Variants in CFLAR observed in about 807,000 individuals in gnomAD.
CFLAR encodes CASP8 and FADD-like apoptosis regulator.
A neutral mutation model predicts 51.1 loss-of-function variants in CFLAR; 14 were observed. That is an observed-to-expected ratio of 0.27 (90% CI 0.18 to 0.43). The LOEUF is 0.43. Ranked by LOEUF, CFLAR falls within the 20% of genes least tolerant of loss-of-function variation. The probability of loss-of-function intolerance (pLI) is 1.00; values close to 1 mark genes in which losing one functional copy is unlikely to be tolerated. For missense variants in CFLAR, 390 were observed against 566.5 expected, an observed-to-expected ratio of 0.69 and a Z score of 3.16; for synonymous variants, 210 against 211.6, an observed-to-expected ratio of 0.99 and a Z score of 0.06.
chr2:201,163,331 A>AT lies in CFLAR; in HGVS notation c.1305-502dup, dbSNP rs748864743. 110 of 1,205,208 alleles carry AT rather than the reference A, an allele frequency of 9.1e-5. No individual in the cohort carries two copies. The Middle Eastern group carries it at 2.5e-3, about 27-fold the overall frequency. 74.7% of individuals were successfully genotyped at this position (1,205,208 alleles called of 1,614,324 possible). A position where few individuals can be genotyped will look rare whatever the true frequency, so the allele number is the denominator to read the frequency against. On this transcript the variant is annotated intron_variant, in intron 9 of 9. Coordinates refer to ENST00000309955, the MANE Select transcript of CFLAR (RefSeq NM_003879.7). ...AGCCACAATGTACCTCAAGTATAAG[A>AT]TTAACTGGCCTTTTTCAGTTGCACT...
chr2:201,160,702 T>C lies in CFLAR; in HGVS notation c.1064T>C (p.Phe355Ser). The part of the protein sequence containing the change: ...CPYLAGKPKM[F>S]FIQNYVVSEG... ...TATCTAGCAGGGAAGCCAAAGATGT[T>C]TTTTATTCAGAACTATGTGGTGTCA... Residue 355 changes from phenylalanine (F) to serine (S), a missense_variant, in exon 9 of 10, where the codon TTT (phenylalanine) becomes TCT (serine). Around this residue, in one of 2 missense-constraint regions of CFLAR, gnomAD observed 287 missense variants for 363.6 expected, o/e 0.79. Coordinates refer to ENST00000309955, the MANE Select transcript of CFLAR (RefSeq NM_003879.7). 1 of 1,614,062 alleles carries C rather than the reference T, an allele frequency of 6.2e-7. No homozygotes were observed. The highest frequency in any genetic ancestry group is 8.5e-7 in the Non-Finnish European group (1 of 1,180,004).
Position 201,118,200 on chromosome 2 carries a change from A to G in CFLAR, c.-138+1719A>G, listed in dbSNP as rs1245915179. On this transcript the variant is annotated intron_variant, in intron 1 of 9. Transcript: ENST00000309955. This position sits in a 1 kb window ranked among gnomAD's most constrained non-coding sequence, Gnocchi z 5.1. ...TGTCCTCGTTAAAATGGCTTTCTCTAGCGACTTTATGTTTTACGTTTCTGT... is the reference window on the plus strand; with the variant it reads ...TGTCCTCGTTAAAATGGCTTTCTCTGGCGACTTTATGTTTTACGTTTCTGT... Among the ~76,000 whole-genome samples the G allele has an allele frequency of 1.3e-5, 2 of 152,190 alleles. No homozygotes were observed. Among genetic ancestry groups the G allele is most frequent in the African/African-American group, 4.8e-5 (2 of 41,448 alleles).
intron 9 of CFLAR, 32 bp downstream of exon 9, chr2:201,160,974 C>T: frequency 6.5e-7 from 1 of 1,531,000 alleles, no homozygotes; most frequent in Admixed American, 1.8e-5. Flanking sequence ...AGTTCCGGAC[C>T]ACCTGCTTAT....
In CFLAR at chr2:201,166,153, C is replaced by T. The variant is rs996123668; in HGVS notation, c.*2180C>T. The T allele has an allele frequency of 5.5e-5, 9 of 164,548 alleles. No homozygotes were observed. The highest frequency in any genetic ancestry group is 4.6e-4 in the South Asian group (3 of 6,570). The allele number at this position is 164,548 out of a possible 1,614,324, so 10.2% of individuals were successfully genotyped here. Reference sequence around the variant, plus strand: ...GGGGCTCCTCACTTCCCAGATGGGGCGGCCAGGCGGACGCGCCCCCCACCT... The same window carrying T: ...GGGGCTCCTCACTTCCCAGATGGGGTGGCCAGGCGGACGCGCCCCCCACCT... On this transcript the variant is annotated 3_prime_UTR_variant, in exon 10 of 10. Coordinates refer to ENST00000309955, the MANE Select transcript of CFLAR (RefSeq NM_003879.7).
intron 1 of CFLAR, among the ~76,000 whole-genome samples, chr2:201,117,979 T>C (rs1018171925): frequency 5.9e-5 from 9 of 152,152 alleles, no homozygotes; most frequent in African/African-American, 1.2e-4. Context: ...GGTCTCGAAC[T>C]CCTGACCTTA....
Position 201,124,436 on chromosome 2 carries a change from G to A in CFLAR, c.-137-5293G>A, listed in dbSNP as rs570796815. ...GGCAACCTCCACCTCCCAGGCTCAA[G>A]AGACTTTTGTGCCTCAACCCCTCGA... is the stretch of plus-strand genomic sequence containing the variant. On this transcript the variant is annotated intron_variant, in intron 1 of 9. Transcript: ENST00000309955. This position sits in a 1 kb window ranked among gnomAD's most constrained non-coding sequence, Gnocchi z 4.7. Among the ~76,000 whole-genome samples the A allele has an allele frequency of 6.6e-6, 1 of 152,332 alleles. No individual in the cohort carries two copies. The highest frequency in any genetic ancestry group is 2.1e-4 in the South Asian group (1 of 4,828).
chr2:201,149,674 G>C (rs182560364), intron 7 of CFLAR, 80 bp from the exon 8 acceptor site: 91 of 1,073,218 alleles, frequency 8.5e-5, no homozygotes, highest in Middle Eastern at 4.0e-4. Flanking sequence ...AAATCCAAAA[G>C]AAGAGATGGT....
rs749060178 is a variant in CFLAR at position 201,124,671 on chromosome 2, GA to G, written c.-137-5056del. Among the ~76,000 whole-genome samples, 2 of 152,164 alleles carry G rather than the reference GA, an allele frequency of 1.3e-5. No individual in the cohort carries two copies. The highest frequency in any genetic ancestry group is 2.9e-5 in the Non-Finnish European group (2 of 68,036). On this transcript the variant is annotated intron_variant, in intron 1 of 9. Coordinates refer to ENST00000309955, the MANE Select transcript of CFLAR (RefSeq NM_003879.7). The surrounding 1 kb of genome is among the most constrained non-coding windows in gnomAD (Gnocchi z 4.7). ...GAACTTTAGAAATTTCACTTAGATG[GA>G]AGGTAGATTTGGAGAGGGTGAGGTC...
At chr2:201,159,318 T>A (rs577598861) in intron 8 of CFLAR, among the ~76,000 whole-genome samples, 44 of 149,296 alleles carry the variant, frequency 2.9e-4, no homozygotes, top group African/African-American at 1.1e-3. Context: ...AATAATTAAT[T>A]TTTTTTTTTG....
rs2047879658 is a variant in CFLAR at position 201,118,857 on chromosome 2, G to T, written c.-138+2376G>T. 1 of 152,468 alleles carries T rather than the reference G, an allele frequency of 6.6e-6. No homozygotes were observed. The highest frequency in any genetic ancestry group is 6.5e-5 in the Admixed American group (1 of 15,290). 9.4% of individuals were successfully genotyped at this position (152,468 alleles called of 1,614,324 possible). A position where few individuals can be genotyped will look rare whatever the true frequency, so the allele number is the denominator to read the frequency against. ...AGCTTGTCCGGCGAGGGTGGGAGTT[G>T]GTCCCGGCGGAGATCCAGTGGGAAG... On this transcript the variant is annotated intron_variant, in intron 1 of 9. Coordinates refer to ENST00000309955, the MANE Select transcript of CFLAR (RefSeq NM_003879.7). The surrounding 1 kb of genome is among the most constrained non-coding windows in gnomAD (Gnocchi z 5.1).
chr2:201,136,671 C>T (rs2050173344), intron 4 of CFLAR: 1 of 1,037,736 alleles, frequency 9.6e-7, no homozygotes, highest in African/African-American at 1.6e-5. Flanking sequence ...AAGTTCACTG[C>T]CACCATAGCA....
rs750543863 is a variant in CFLAR, at chr2:201,133,008, AT to A, written c.282-20del. ...TAGGACTGATGTCTGAATTAACTAA[AT>A]GAACTTGTCTGGTTTGCAGAGTGCT... is the stretch of plus-strand genomic sequence containing the variant. On this transcript the variant is annotated intron_variant, in intron 2 of 9. Coordinates refer to ENST00000309955, the MANE Select transcript of CFLAR (RefSeq NM_003879.7). The A allele has an allele frequency of 1.1e-5, 17 of 1,605,722 alleles. No homozygotes were observed. The African/African-American group carries it at 2.1e-4, about 20-fold the overall frequency.
At chr2:201,163,058 GC>G in intron 9 of CFLAR, 1 of 756,108 alleles carries the variant, frequency 1.3e-6, no homozygotes, top group Non-Finnish European at 2.4e-6. Flanking sequence ...AGCCTCGGAT[GC>G]ATCTTACTAG....
chr2:201,163,659 G>A, intron 9 of CFLAR, 176 bp from the exon 10 acceptor site: 1 of 1,399,712 alleles, frequency 7.1e-7, no homozygotes, highest in South Asian at 1.6e-5. Flanking sequence ...GGGGATGGTG[G>A]CCATCAGGCC....
rs1015945195 is a variant in CFLAR at position 201,166,864 on chromosome 2, G to A, written c.*2891G>A. On this transcript the variant is annotated 3_prime_UTR_variant, in exon 10 of 10. Coordinates refer to ENST00000309955, the MANE Select transcript of CFLAR (RefSeq NM_003879.7). The stretch of plus-strand genomic sequence containing the variant: ...CGCAATGGCAGGCACGCGGCAGGCC[G>A]AGGCGGGAGAATCAGGCAGGGAGGC... 1.9e-5 allele frequency: 3 copies of A among 155,570 alleles called. No individual in the cohort carries two copies. Among genetic ancestry groups the A allele is most frequent in the Admixed American group, 1.3e-4 (2 of 15,338 alleles). The allele number at this position is 155,570 out of a possible 1,614,324, so 9.6% of individuals were successfully genotyped here. A position where few individuals can be genotyped will look rare whatever the true frequency, so the allele number is the denominator to read the frequency against.
intron 1 of CFLAR, among the ~76,000 whole-genome samples, chr2:201,122,249 A>G (rs930360492): frequency 6.6e-5 from 10 of 152,352 alleles, no homozygotes; most frequent in Admixed American, 4.6e-4. Context: ...GCCAGTTTCC[A>G]GAAAATTTTG....
intron 4 of CFLAR, chr2:201,137,604 C>A: frequency 1.3e-6 from 1 of 750,418 alleles, no homozygotes; most frequent in East Asian, 2.5e-5. Context: ...CTTGAGCTCC[C>A]CTGAGTACAT....
At chr2:201,144,354 C>G (rs538556419) in intron 5 of CFLAR, 1 of 152,224 alleles carries the variant, frequency 6.6e-6, no homozygotes, top group Non-Finnish European at 1.5e-5. Context: ...TACTCTTACT[C>G]TAGCCCTCAG....
At chr2:201,127,604 C>T (rs1230828758) in intron 1 of CFLAR, among the ~76,000 whole-genome samples, 3 of 152,190 alleles carry the variant, frequency 2.0e-5, no homozygotes, top group African/African-American at 7.2e-5. Flanking sequence ...CCAGCCCTAC[C>T]TCTCCCTAGT....
Sources: allele counts gnomAD v4.1 joint callset (sites outside exome capture counted in the v4.1 genomes callset), GRCh38; gene constraint gnomAD v4.1.1; regional missense constraint gnomAD v4.1.1; non-coding constraint Gnocchi (gnomAD v3.1); transcripts MANE v1.5; gene names NCBI Gene and HGNC (gene_info 2026-07-23, HGNC 2026-07-21).